CEBPZ: variants seen among roughly 807,000 people sequenced by gnomAD.
The protein encoded by CEBPZ is CCAAT enhancer binding protein zeta, also known as CCAAT/enhancer-binding protein zeta.
A neutral mutation model predicts 104.5 loss-of-function variants in CEBPZ; 78 were observed. That is an observed-to-expected ratio of 0.75 (90% confidence interval 0.62 to 0.90). CEBPZ has a LOEUF of 0.90. Among genes scored for constraint, CEBPZ ranks in the 40% least tolerant of loss-of-function variants. The pLI, the probability that CEBPZ is intolerant of heterozygous loss-of-function variation, is 0.00. For synonymous variants in CEBPZ, 470 were observed against 427.0 expected (o/e 1.10, Z -1.24); for missense variants, 1,439 against 1,233.5 (o/e 1.17, Z -2.50).
At chr2:37,230,346 T>A (rs1444084652) in intron 1 of CEBPZ, among the ~76,000 whole-genome samples, 2 of 152,182 alleles carry the variant, frequency 1.3e-5, no homozygotes, top group African/African-American at 4.8e-5. Context: ...CTGAAAGATA[T>A]AAAATGCAGT....
rs541401957 is a variant in CEBPZ, at chr2:37,222,676, A to G, written c.1882-113T>C. On this transcript the variant is annotated intron_variant, in intron 3 of 15. Transcript: ENST00000234170. ...CTTATTGCAACTCTGGTGAAACGTG[A>G]AAGTTCTAATAAAGTAAAATGATGG... The G allele has an allele frequency of 5.2e-5, 35 of 675,272 alleles. No homozygotes were observed. The East Asian group carries it at 1.0e-3, about 20-fold the overall frequency. 41.8% of individuals were successfully genotyped at this position (675,272 alleles called of 1,614,324 possible). A position where few individuals can be genotyped will look rare whatever the true frequency, so the allele number is the denominator to read the frequency against.
At chr2:37,221,296 G>C (rs1333144440) in intron 4 of CEBPZ, among the ~76,000 whole-genome samples, 1 of 152,048 alleles carries the variant, frequency 6.6e-6, no homozygotes, top group African/African-American at 2.4e-5. Context: ...GCCTGGCCTG[G>C]GTGACATAGT....
At chr2:37,206,216 A>G (rs1399063246) in intron 13 of CEBPZ, among the ~76,000 whole-genome samples, 1 of 152,238 alleles carries the variant, frequency 6.6e-6, no homozygotes, top group Non-Finnish European at 1.5e-5. Flanking sequence ...TGGACAGAAC[A>G]GCGTGTGGCA....
At chr2:37,212,603 G>T in intron 10 of CEBPZ, 1 of 537,766 alleles carries the variant, frequency 1.9e-6, no homozygotes, top group Non-Finnish European at 3.3e-6. Flanking sequence ...ACTAAAGAAG[G>T]ATCCAGTTAA....
intron 1 of CEBPZ, among the ~76,000 whole-genome samples, chr2:37,230,435 C>T (rs1050648477): frequency 6.6e-6 from 1 of 152,154 alleles, no homozygotes; most frequent in Non-Finnish European, 1.5e-5. Flanking sequence ...CACTATGTAT[C>T]TTTTAAAGTT....
intron 4 of CEBPZ, among the ~76,000 whole-genome samples, chr2:37,220,914 T>C (rs903688247): frequency 6.6e-6 from 1 of 152,092 alleles, no homozygotes; most frequent in African/African-American, 2.4e-5. Flanking sequence ...GGAGGATCAC[T>C]TGAGCCCAGG....
chr2:37,202,999 T>C lies in CEBPZ; in HGVS notation c.2894A>G (p.Lys965Arg), dbSNP rs750376654. The C allele has an allele frequency of 1.3e-6, 2 of 1,549,518 alleles. No individual in the cohort carries two copies. The highest frequency in any genetic ancestry group is 1.4e-5 in the African/African-American group (1 of 71,700). The change falls in exon 14 of 16, where the codon AAA (lysine) becomes AGA (arginine). Residue 965 changes from lysine (K) to arginine (R), a missense_variant. Coordinates refer to ENST00000234170, the MANE Select transcript of CEBPZ (RefSeq NM_005760.3). ...GGAATCATTTAAGTTTCTTTTCTTT[T>C]TTCTTGGCCCTAAAAAAAATTGTAA... ...DFAGSFQGPR[K>R]KKRNLNDSSL...
intron 13 of CEBPZ, among the ~76,000 whole-genome samples, chr2:37,207,501 C>T (rs1050028230): frequency 6.6e-6 from 1 of 152,080 alleles, no homozygotes; most frequent in Non-Finnish European, 1.5e-5. Flanking sequence ...CCAAAAGGAA[C>T]CCTCAAAACT....
rs750323270 is a variant in CEBPZ at position 37,216,127 on chromosome 2, G to C, written c.2380+13C>G. On this transcript the variant is annotated intron_variant, in intron 8 of 15. Coordinates refer to ENST00000234170, the MANE Select transcript of CEBPZ (RefSeq NM_005760.3). ...TGTCTTTTCAGTTTCAACTGTCTAA[G>C]GTTTATACTTACCAGGAAGATGACG... The C allele has an allele frequency of 3.1e-6, 5 of 1,592,316 alleles. No individual in the cohort carries two copies. The highest frequency in any genetic ancestry group is 4.3e-6 in the Non-Finnish European group (5 of 1,162,730).
chr2:37,230,949 T>C (rs1044450451), intron 1 of CEBPZ, among the ~76,000 whole-genome samples: 1 of 152,232 alleles, frequency 6.6e-6, no homozygotes, highest in Admixed American at 6.5e-5. Context: ...CCGCGTCTGC[T>C]GTACTATGTG....
chr2:37,217,773 G>C (rs1055788366), intron 5 of CEBPZ, among the ~76,000 whole-genome samples: 8 of 150,924 alleles, frequency 5.3e-5, no homozygotes, highest in Admixed American at 5.3e-4. Context: ...GTGGTGGCGG[G>C]TGCCTGTAGT....
chr2:37,212,267 A>C, intron 11 of CEBPZ, 68 bp downstream of exon 11: 5 of 1,375,612 alleles, frequency 3.6e-6, no homozygotes, highest in Non-Finnish European at 5.2e-6. Context: ...TCTGTGGTCT[A>C]CTGTTCTGAG....
Position 37,201,921 on chromosome 2 carries a change from A to G in CEBPZ, c.3026-18T>C. 1 of 1,610,596 alleles carries G rather than the reference A, an allele frequency of 6.2e-7. No homozygotes were observed. ...TTTGAGACCTTTGAGAGAAGAAGAA[A>G]AGATGAGTGTACTACCACACTGTAG... On this transcript the variant is annotated intron_variant, in intron 15 of 15. Coordinates refer to ENST00000234170, the MANE Select transcript of CEBPZ (RefSeq NM_005760.3).
intron 13 of CEBPZ, among the ~76,000 whole-genome samples, chr2:37,205,332 G>C (rs1317552033): frequency 2.0e-5 from 3 of 152,094 alleles, no homozygotes; most frequent in African/African-American, 7.2e-5. Context: ...CACAAAAGAA[G>C]TGAAAATGGC....
In CEBPZ at chr2:37,227,536, G is replaced by A; in HGVS notation, c.1649+8C>T. 6.3e-7 allele frequency: 1 copy of A among 1,594,234 alleles called. No individual in the cohort carries two copies. The highest frequency in any genetic ancestry group is 8.5e-7 in the Non-Finnish European group (1 of 1,170,788). The stretch of plus-strand genomic sequence containing the variant: ...TTCATGTCTCATATTGGAAGGGTAT[G>A]TTCTTACCTGTATAATGCTGTGTAA... On this transcript the variant is annotated splice_region_variant and intron_variant, in intron 2 of 15. Coordinates refer to ENST00000234170, the MANE Select transcript of CEBPZ (RefSeq NM_005760.3).
chr2:37,210,919 G>T, intron 13 of CEBPZ, 80 bp downstream of exon 13: 19 of 850,530 alleles, frequency 2.2e-5, no homozygotes, highest in East Asian at 2.8e-5. Context: ...ATCAAATTTA[G>T]GAGAGTTCAT....
At position 37,223,573 on chromosome 2, in the gene CEBPZ, G is replaced by A. The variant is rs146065695; in HGVS notation, c.1650-172C>T. Among the ~76,000 whole-genome samples, 594 of 152,340 alleles carry A rather than the reference G, an allele frequency of 3.9e-3. 6 individuals carry two copies. Among genetic ancestry groups the A allele is most frequent in the African/African-American group, 0.013 (559 of 41,570 alleles). ...AAGATGGAAGTCAATGACCAGAAAA[G>A]GATGATGATGGCACCAGGAAAAACC... On this transcript the variant is annotated intron_variant, in intron 2 of 15. Coordinates refer to ENST00000234170, the MANE Select transcript of CEBPZ (RefSeq NM_005760.3).
At chr2:37,231,381 G>C in intron 1 of CEBPZ, 31 bp downstream of exon 1, 1 of 1,613,098 alleles carries the variant, frequency 6.2e-7, no homozygotes, top group Non-Finnish European at 8.5e-7. Context: ...CTCCACGCCT[G>C]ATCCCGTTCC....
chr2:37,222,228 G>C (rs1180786908), intron 4 of CEBPZ, 152 bp downstream of exon 4: 2 of 547,642 alleles, frequency 3.7e-6, no homozygotes, highest in South Asian at 8.8e-5. Flanking sequence ...AGGTTGCAGT[G>C]AGCCGAGATC....
Sources: allele counts gnomAD v4.1 joint callset (sites outside exome capture counted in the v4.1 genomes callset), GRCh38; gene constraint gnomAD v4.1.1; transcripts MANE v1.5; gene names NCBI Gene and HGNC (gene_info 2026-07-23, HGNC 2026-07-21).